GRID1: variants seen among roughly 807,000 people sequenced by gnomAD.
GRID1 encodes the protein glutamate receptor ionotropic, delta-1.
GRID1 carries 28 observed loss-of-function variants against 98.0 expected under a neutral mutation model. The ratio of observed to expected loss-of-function variants is 0.29; its 90% CI spans 0.21 to 0.39. GRID1 has a LOEUF of 0.39. Among genes scored for constraint, GRID1 ranks in the 10% least tolerant of loss-of-function variants. The pLI, the probability that GRID1 is intolerant of heterozygous loss-of-function variation, is 1.00. For missense variants in GRID1, 1,111 were observed against 1,340.5 expected (o/e 0.83, Z 2.67); for synonymous variants, 553 against 538.5 (o/e 1.03, Z -0.37).
chr10:85,711,993 T>G (rs1358233085), intron 12 of GRID1, among the ~76,000 whole-genome samples: 1 of 151,664 alleles, frequency 6.6e-6, no homozygotes, highest in African/African-American at 2.4e-5. Context: ...ATAATAATAA[T>G]AATACATATG....
At chr10:86,199,032 T>A (rs554991996) in intron 3 of GRID1, among the ~76,000 whole-genome samples, 12 of 152,180 alleles carry the variant, frequency 7.9e-5, no homozygotes, top group Non-Finnish European at 1.6e-4. Context: ...GATCCATGCT[T>A]ACTTTTTTAT....
intron 8 of GRID1, among the ~76,000 whole-genome samples, chr10:85,843,240 G>GA (rs552427354): frequency 3.4e-5 from 5 of 149,046 alleles, no homozygotes; most frequent in South Asian, 2.1e-4. Flanking sequence ...TACCTATAGG[G>GA]AAAAAAAAAT....
intron 2 of GRID1, 61 bp downstream of exon 2, chr10:86,363,880 C>T: frequency 1.4e-6 from 2 of 1,443,494 alleles, no homozygotes; most frequent in Non-Finnish European, 1.9e-6. Flanking sequence ...CCTCCGGTGC[C>T]CACTGCTGCG....
intron 4 of GRID1, among the ~76,000 whole-genome samples, chr10:86,057,739 T>C (rs558714706): frequency 6.6e-6 from 1 of 152,298 alleles, no homozygotes; most frequent in East Asian, 1.9e-4. Flanking sequence ...TTTCCTCAGT[T>C]ACTCCCTCTC....
intron 8 of GRID1, among the ~76,000 whole-genome samples, chr10:85,852,471 G>A (rs1370738769): frequency 6.6e-6 from 1 of 152,128 alleles, no homozygotes; most frequent in Non-Finnish European, 1.5e-5. Flanking sequence ...GCACAGGACT[G>A]GAGGGTCAGC....
chr10:85,807,260 G>C (rs755234372), intron 8 of GRID1, among the ~76,000 whole-genome samples: 3 of 151,782 alleles, frequency 2.0e-5, no homozygotes, highest in Non-Finnish European at 4.4e-5. Flanking sequence ...AGAAGCAGGA[G>C]AATCACTTGA....
intron 2 of GRID1, among the ~76,000 whole-genome samples, chr10:86,335,751 T>C (rs930619038): frequency 6.6e-6 from 1 of 152,224 alleles, no homozygotes; most frequent in Non-Finnish European, 1.5e-5. Context: ...TATGAAGAGA[T>C]GCCCAGCCAA....
At chr10:85,838,530 C>T (rs975886474) in intron 8 of GRID1, among the ~76,000 whole-genome samples, 5 of 152,080 alleles carry the variant, frequency 3.3e-5, no homozygotes, top group Admixed American at 3.3e-4. Context: ...GAAAGAAATT[C>T]CAACCCAGAA....
chr10:86,170,923 GTT>G (rs1845476328), intron 3 of GRID1, among the ~76,000 whole-genome samples: 1 of 151,984 alleles, frequency 6.6e-6, no homozygotes, highest in Non-Finnish European at 1.5e-5. Context: ...CAAGAAAAAC[GTT>G]TACCCCCCAC....
intron 2 of GRID1, among the ~76,000 whole-genome samples, chr10:86,277,239 A>C (rs1042563664): frequency 6.6e-5 from 10 of 152,234 alleles, no homozygotes; most frequent in Non-Finnish European, 1.5e-4. Context: ...AAATTTTACC[A>C]CAACTTTTAA....
At chr10:85,660,248 T>C (rs182991110) in intron 12 of GRID1, among the ~76,000 whole-genome samples, 59 of 152,354 alleles carry the variant, frequency 3.9e-4, no homozygotes, top group Non-Finnish European at 7.3e-4. Context: ...ACTGGCAGGA[T>C]AGAGCATGGT....
At chr10:85,961,384 C>T (rs751433327) in intron 4 of GRID1, among the ~76,000 whole-genome samples, 4 of 152,094 alleles carry the variant, frequency 2.6e-5, no homozygotes, top group Non-Finnish European at 2.9e-5. Flanking sequence ...CACCAGGGAC[C>T]CTGGTATCAT....
intron 8 of GRID1, among the ~76,000 whole-genome samples, chr10:85,826,705 A>G (rs76112457): frequency 0.017 from 2,581 of 152,088 alleles, 39 homozygotes; most frequent in Non-Finnish European, 0.027. Flanking sequence ...TAAATGAAGC[A>G]CTCTGGCCAG....
At chr10:85,825,282 T>C (rs746711706) in intron 8 of GRID1, among the ~76,000 whole-genome samples, 9 of 152,226 alleles carry the variant, frequency 5.9e-5, no homozygotes, top group Non-Finnish European at 1.0e-4. Context: ...ATTTCTCTGA[T>C]GATTAGTGAT....
At chr10:85,905,336 C>T (rs1334413553) in intron 5 of GRID1, among the ~76,000 whole-genome samples, 3 of 151,656 alleles carry the variant, frequency 2.0e-5, no homozygotes, top group Non-Finnish European at 2.9e-5. Context: ...ACAAAAGCGG[C>T]AAGCATTCAC....
chr10:85,792,808 A>C (rs745744105), intron 8 of GRID1, among the ~76,000 whole-genome samples: 5 of 151,992 alleles, frequency 3.3e-5, no homozygotes, highest in Non-Finnish European at 7.4e-5. Context: ...GGCCACAATG[A>C]CCCTTATTCT....
At chr10:86,241,558 G>T (rs993640955) in intron 2 of GRID1, among the ~76,000 whole-genome samples, 1 of 152,248 alleles carries the variant, frequency 6.6e-6, no homozygotes, top group Non-Finnish European at 1.5e-5. Context: ...CCGCTATCTG[G>T]TCACCAGGGA....
At position 86,284,711 on chromosome 10, in the gene GRID1, G is replaced by A. The variant is rs148010306; in HGVS notation, c.236-78063C>T. 7.3e-3 allele frequency among the ~76,000 whole-genome samples: 1,112 copies of A among 152,346 alleles called. 13 individuals carry two copies. Among genetic ancestry groups the A allele is most frequent in the Middle Eastern group, 0.027 (8 of 294 alleles). On this transcript the variant is annotated intron_variant, in intron 2 of 15. Transcript: ENST00000327946. ...AGGCAGGCAGAAAAGCTAAGAGAGC[G>A]CCCTCAGTAAACGTGGATGCTGTGG...
intron 2 of GRID1, among the ~76,000 whole-genome samples, chr10:86,253,401 A>G (rs1243599549): frequency 1.3e-5 from 2 of 152,256 alleles, no homozygotes; most frequent in Non-Finnish European, 1.5e-5. Context: ...TGGCTTCTGC[A>G]TTGAAATGTG....
Sources: allele counts gnomAD v4.1 joint callset (sites outside exome capture counted in the v4.1 genomes callset), GRCh38; gene constraint gnomAD v4.1.1; transcripts MANE v1.5; gene names NCBI Gene and HGNC (gene_info 2026-07-23, HGNC 2026-07-21).